NOS1AP: variants seen among roughly 807,000 people sequenced by gnomAD.
NOS1AP encodes nitric oxide synthase 1 adaptor protein.
NOS1AP carries 21 observed loss-of-function variants against 56.2 expected under a neutral mutation model. The observed-to-expected ratio is 0.37, with a 90% CI of 0.26 to 0.54. NOS1AP has a LOEUF of 0.54. Among genes scored for constraint, NOS1AP ranks in the 20% least tolerant of loss-of-function variants. NOS1AP has a pLI of 0.84. For missense variants in NOS1AP, 522 were observed against 657.8 expected, an observed-to-expected ratio of 0.79 and a Z score of 2.26; for synonymous variants, 270 against 274.6, an observed-to-expected ratio of 0.98 and a Z score of 0.17.
intron 1 of NOS1AP, among the ~76,000 whole-genome samples, chr1:162,082,548 C>A (rs1394486608): frequency 6.6e-6 from 1 of 152,192 alleles, no homozygotes; most frequent in Non-Finnish European, 1.5e-5. Flanking sequence ...AATTTATACT[C>A]CCACCAACAG....
intron 4 of NOS1AP, among the ~76,000 whole-genome samples, chr1:162,326,616 A>G (rs1170560344): frequency 6.6e-6 from 1 of 152,222 alleles, no homozygotes; most frequent in Non-Finnish European, 1.5e-5. Flanking sequence ...GAATGCTAAT[A>G]TATGGTTCCA....
At chr1:162,156,553 A>C (rs1471753239) in intron 2 of NOS1AP, among the ~76,000 whole-genome samples, 2 of 152,166 alleles carry the variant, frequency 1.3e-5, no homozygotes, top group Non-Finnish European at 1.5e-5. Context: ...TGCTGTGATA[A>C]GGACTGGACC....
chr1:162,332,419 T>C (rs1656798625), intron 4 of NOS1AP, among the ~76,000 whole-genome samples: 1 of 152,212 alleles, frequency 6.6e-6, no homozygotes, highest in Non-Finnish European at 1.5e-5. Context: ...GTCCTGTTCC[T>C]GTTGTGACCC....
intron 2 of NOS1AP, among the ~76,000 whole-genome samples, chr1:162,239,785 A>G (rs1425746254): frequency 6.6e-6 from 1 of 152,224 alleles, no homozygotes; most frequent in African/African-American, 2.4e-5. Context: ...AGCATAAACA[A>G]GTAGGGTGAT....
chr1:162,207,562 T>C (rs1262537536), intron 2 of NOS1AP, among the ~76,000 whole-genome samples: 2 of 152,352 alleles, frequency 1.3e-5, no homozygotes, highest in East Asian at 1.9e-4. Flanking sequence ...TGGTCAAGGA[T>C]TGAATGAGAT....
Position 162,200,214 on chromosome 1 carries a change from CA to C in NOS1AP, c.177+45739del, listed in dbSNP as rs1651947451. On this transcript the variant is annotated intron_variant, in intron 2 of 9. Coordinates refer to ENST00000361897, the MANE Select transcript of NOS1AP (RefSeq NM_014697.3). ...AAGGGTACAAGCCTGGGTGAGAGCA[CA>C]TACGTGTGCACAGGTATTTGCACAT... Among the ~76,000 whole-genome samples the C allele has an allele frequency of 3.9e-5, 6 of 152,282 alleles. No homozygotes were observed. The South Asian group carries it at 1.2e-3, about 32-fold the overall frequency.
chr1:162,258,371 G>A (rs1342142472), intron 2 of NOS1AP, among the ~76,000 whole-genome samples: 1 of 152,214 alleles, frequency 6.6e-6, no homozygotes, highest in African/African-American at 2.4e-5. Flanking sequence ...TGAATGGGAT[G>A]TGGGGAGGTG....
intron 4 of NOS1AP, among the ~76,000 whole-genome samples, chr1:162,315,743 T>C (rs1656206875): frequency 6.6e-6 from 1 of 152,204 alleles, no homozygotes; most frequent in Admixed American, 6.5e-5. Context: ...GTATTTGGCT[T>C]AACATTTCTG....
At chr1:162,128,916 G>A (rs188978021) in intron 1 of NOS1AP, among the ~76,000 whole-genome samples, 2 of 152,302 alleles carry the variant, frequency 1.3e-5, no homozygotes, top group Admixed American at 6.5e-5. Context: ...TGGCTGTTGA[G>A]TCACTTAAGG....
intron 1 of NOS1AP, among the ~76,000 whole-genome samples, chr1:162,101,861 A>T (rs1479608720): frequency 1.3e-5 from 2 of 152,166 alleles, no homozygotes; most frequent in African/African-American, 2.4e-5. Flanking sequence ...GGGGTTTTCT[A>T]GATATAGGAT....
chr1:162,352,086 A>C (rs1657518613), intron 6 of NOS1AP, among the ~76,000 whole-genome samples: 2 of 151,018 alleles, frequency 1.3e-5, no homozygotes, highest in Admixed American at 1.3e-4. Context: ...TCAAGACAGA[A>C]TCTCACTCTA....
chr1:162,152,964 T>C (rs1323626803), intron 1 of NOS1AP, among the ~76,000 whole-genome samples: 2 of 152,158 alleles, frequency 1.3e-5, no homozygotes, highest in African/African-American at 4.8e-5. Context: ...CTGTTTTATG[T>C]AATTTATGTA....
At chr1:162,254,378 A>G (rs1040942472) in intron 2 of NOS1AP, among the ~76,000 whole-genome samples, 1 of 152,210 alleles carries the variant, frequency 6.6e-6, no homozygotes, top group African/African-American at 2.4e-5. Flanking sequence ...ATTGTGGGTG[A>G]ATGTGCAAAC....
intron 8 of NOS1AP, among the ~76,000 whole-genome samples, chr1:162,358,422 C>T (rs1657771806): frequency 6.6e-6 from 1 of 152,164 alleles, no homozygotes; most frequent in South Asian, 2.1e-4. Flanking sequence ...TGGGACACAG[C>T]TCTCAAGTTA....
intron 1 of NOS1AP, among the ~76,000 whole-genome samples, chr1:162,086,890 A>G (rs1692014822): frequency 6.6e-6 from 1 of 152,134 alleles, no homozygotes; most frequent in Non-Finnish European, 1.5e-5. Context: ...TTGTAGTTGT[A>G]GGCATAGGAT....
chr1:162,257,962 T>C (rs1654086259), intron 2 of NOS1AP, among the ~76,000 whole-genome samples: 1 of 152,164 alleles, frequency 6.6e-6, no homozygotes, highest in Non-Finnish European at 1.5e-5. Context: ...AGTGGACAGA[T>C]TTATTGCTTT....
At chr1:162,231,427 G>A (rs8179274) in intron 2 of NOS1AP, among the ~76,000 whole-genome samples, 117,075 of 152,146 alleles carry the variant, frequency 0.77, 45,482 homozygotes, top group East Asian at 0.87. Context: ...CTTCTGTTCA[G>A]TGTGATGTCT....
intron 1 of NOS1AP, among the ~76,000 whole-genome samples, chr1:162,100,853 T>C (rs1273718805): frequency 6.6e-5 from 10 of 152,178 alleles, no homozygotes; most frequent in Admixed American, 5.9e-4. Context: ...GTCAGATGAA[T>C]AGATTGCAAA....
chr1:162,326,686 T>C (rs1272072464), intron 4 of NOS1AP, among the ~76,000 whole-genome samples: 2 of 152,242 alleles, frequency 1.3e-5, no homozygotes, highest in East Asian at 3.9e-4. Context: ...AGTCTGCACA[T>C]TGGCAGGCTT....
Sources: allele counts gnomAD v4.1 joint callset (sites outside exome capture counted in the v4.1 genomes callset), GRCh38; gene constraint gnomAD v4.1.1; transcripts MANE v1.5; gene names NCBI Gene and HGNC (gene_info 2026-07-23, HGNC 2026-07-21).